Variants in BNC2 observed in about 807,000 individuals in gnomAD.
BNC2 encodes the protein basonuclin zinc finger protein 2.
In BNC2, 20 loss-of-function variants were observed where a neutral mutation model predicts 76.3. The observed-to-expected ratio is 0.26, with a 90% CI of 0.18 to 0.38. The LOEUF (loss-of-function observed/expected upper bound fraction) is 0.38, where lower values mean the gene tolerates loss of function less well. Ranked by LOEUF, BNC2 falls within the 10% of genes least tolerant of loss-of-function variation. The pLI is 1.00. For missense variants in BNC2, 1,382 were observed against 1,399.8 expected, an observed-to-expected ratio of 0.99 and a Z score of 0.20; for synonymous variants, 582 against 514.8, an observed-to-expected ratio of 1.13 and a Z score of -1.77.
intron 4 of BNC2, among the ~76,000 whole-genome samples, chr9:16,569,759 T>C (rs1387756798): frequency 6.6e-6 from 1 of 152,194 alleles, no homozygotes; most frequent in East Asian, 1.9e-4. Flanking sequence ...GAGAAAATTT[T>C]ATCTGCAAAT....
intron 3 of BNC2, among the ~76,000 whole-genome samples, chr9:16,583,861 T>C (rs1819695976): frequency 2.0e-5 from 3 of 152,260 alleles, no homozygotes; most frequent in Non-Finnish European, 4.4e-5. Context: ...AAAAACACAC[T>C]TAAAAATCTT....
intron 3 of BNC2, among the ~76,000 whole-genome samples, chr9:16,680,135 A>G (rs988010471): frequency 1.1e-4 from 17 of 152,224 alleles, no homozygotes; most frequent in Middle Eastern, 3.2e-3. Context: ...CAATAGAAAC[A>G]TACAACATTT....
chr9:16,842,799 A>G (rs1476452489), intron 1 of BNC2, among the ~76,000 whole-genome samples: 1 of 151,808 alleles, frequency 6.6e-6, no homozygotes, highest in Non-Finnish European at 1.5e-5. Flanking sequence ...CACTCTGTGC[A>G]GTCTTGCTGC....
At chr9:16,510,106 T>C (rs1303465758) in intron 5 of BNC2, among the ~76,000 whole-genome samples, 1 of 152,206 alleles carries the variant, frequency 6.6e-6, no homozygotes, top group Non-Finnish European at 1.5e-5. Flanking sequence ...CATAACACAT[T>C]GCCACGGTCA....
At chr9:16,515,499 C>T (rs1822856045) in intron 5 of BNC2, among the ~76,000 whole-genome samples, 2 of 152,126 alleles carry the variant, frequency 1.3e-5, no homozygotes, top group South Asian at 4.1e-4. Context: ...ATCCCACCAA[C>T]TCCCCTCTGG....
At chr9:16,642,440 C>A (rs1044476098) in intron 3 of BNC2, among the ~76,000 whole-genome samples, 12 of 152,254 alleles carry the variant, frequency 7.9e-5, no homozygotes, top group Middle Eastern at 3.4e-3. Context: ...TTAACATATT[C>A]TTCCTTACTA....
intron 5 of BNC2, among the ~76,000 whole-genome samples, chr9:16,507,613 G>A (rs374773150): frequency 8.5e-5 from 13 of 152,220 alleles, no homozygotes; most frequent in Admixed American, 6.5e-4. Context: ...ATTTTTAGTA[G>A]AGACAGGGTT....
intron 5 of BNC2, among the ~76,000 whole-genome samples, chr9:16,478,035 GA>G (rs1237404658): frequency 6.6e-6 from 1 of 151,792 alleles, no homozygotes; most frequent in Non-Finnish European, 1.5e-5. Context: ...AGTCAGGCAG[GA>G]AAAAAAACCC....
intron 5 of BNC2, among the ~76,000 whole-genome samples, chr9:16,507,242 T>G (rs1225483190): frequency 6.7e-6 from 1 of 149,382 alleles, no homozygotes; most frequent in East Asian, 2.0e-4. Context: ...GGGCAGTGTG[T>G]CCATTTGCTT....
At chr9:16,456,836 C>G (rs192552571) in intron 5 of BNC2, among the ~76,000 whole-genome samples, 12 of 152,138 alleles carry the variant, frequency 7.9e-5, no homozygotes, top group Admixed American at 7.2e-4. Context: ...TAAAAAACAT[C>G]AAAAAATTTA....
chr9:16,612,747 G>A (rs1042823519), intron 3 of BNC2, among the ~76,000 whole-genome samples: 1 of 152,106 alleles, frequency 6.6e-6, no homozygotes, highest in Non-Finnish European at 1.5e-5. Flanking sequence ...AATGCTTTAG[G>A]GTTCAGGGGA....
chr9:16,440,062 G>T (rs1821095177), intron 5 of BNC2, among the ~76,000 whole-genome samples: 1 of 152,216 alleles, frequency 6.6e-6, no homozygotes, highest in African/African-American at 2.4e-5. Flanking sequence ...ATGGAAGAAT[G>T]TTGGTGCTAT....
chr9:16,589,594 C>T (rs1174624339), intron 3 of BNC2, among the ~76,000 whole-genome samples: 7 of 151,696 alleles, frequency 4.6e-5, no homozygotes, highest in South Asian at 2.1e-4. Flanking sequence ...CTGCAACCTC[C>T]GCCTCCAGGG....
At chr9:16,685,464 C>T (rs546173115) in intron 3 of BNC2, 22 of 817,428 alleles carry the variant, frequency 2.7e-5, no homozygotes, top group Admixed American at 4.7e-5. Flanking sequence ...TTCCTGATGA[C>T]GCTGATATAC....
At chr9:16,581,386 C>T (rs1005004187) in intron 4 of BNC2, among the ~76,000 whole-genome samples, 5 of 152,240 alleles carry the variant, frequency 3.3e-5, no homozygotes, top group Middle Eastern at 3.4e-3. Context: ...GGTGAAAACC[C>T]GTCTCTACTA....
intron 5 of BNC2, among the ~76,000 whole-genome samples, chr9:16,506,629 G>C (rs1281428943): frequency 1.4e-5 from 2 of 141,224 alleles, no homozygotes; most frequent in African/African-American, 5.3e-5. Context: ...TGCTTCAAAC[G>C]ATTCTCCTGC....
chr9:16,817,638 T>C (rs780395380), intron 1 of BNC2, among the ~76,000 whole-genome samples: 1 of 152,192 alleles, frequency 6.6e-6, no homozygotes, highest in Non-Finnish European at 1.5e-5. Flanking sequence ...AAATACTCCT[T>C]CATTCCTCTC....
chr9:16,826,612 T>C (rs746244889), intron 1 of BNC2, among the ~76,000 whole-genome samples: 1 of 152,200 alleles, frequency 6.6e-6, no homozygotes, highest in Non-Finnish European at 1.5e-5. Context: ...TTTTACTTTT[T>C]ACTTTTGGCA....
intron 3 of BNC2, among the ~76,000 whole-genome samples, chr9:16,615,864 A>G (rs887914932): frequency 3.3e-5 from 5 of 152,196 alleles, no homozygotes; most frequent in Non-Finnish European, 7.3e-5. Flanking sequence ...ACAATTGAGC[A>G]TGATTGGTAC....
Sources: allele counts gnomAD v4.1 joint callset (sites outside exome capture counted in the v4.1 genomes callset), GRCh38; gene constraint gnomAD v4.1.1; transcripts MANE v1.5; gene names NCBI Gene and HGNC (gene_info 2026-07-23, HGNC 2026-07-21).